ARMH1: variants seen among roughly 807,000 people sequenced by gnomAD.
ARMH1 encodes armadillo-like helical domain containing protein 1.
Under a neutral mutation model 50.2 loss-of-function variants are expected in ARMH1, and 34 were observed. That is an observed-to-expected ratio of 0.68 (90% CI 0.51 to 0.90). The LOEUF (loss-of-function observed/expected upper bound fraction) is 0.90. Among genes scored for constraint, ARMH1 ranks in the 40% least tolerant of loss-of-function variants. The pLI, the probability that ARMH1 is intolerant of heterozygous loss-of-function variation, is 0.00. For missense variants in ARMH1, 538 were observed against 553.9 expected (o/e 0.97, Z 0.29); for synonymous variants, 221 against 224.2 (o/e 0.99, Z 0.13).
chr1:44,681,992 CT>C lies in ARMH1; in HGVS notation c.-23+7124del, dbSNP rs1645328757. ...GCTCTCCACTGTTCATTAAAATCAC[CT>C]TTTTGCTTGTCTCTCTGCCCTGCCA... On this transcript the variant is annotated intron_variant, in intron 1 of 11. Transcript: ENST00000535358. The surrounding 1 kb of genome is among the most constrained non-coding windows in gnomAD (Gnocchi z 4.3). Among the ~76,000 whole-genome samples, 1 of 152,150 alleles carries C rather than the reference CT, an allele frequency of 6.6e-6. No individual in the cohort carries two copies. The highest frequency in any genetic ancestry group is 2.1e-4 in the South Asian group (1 of 4,822).
chr1:44,700,326 G>C (rs1646012618), intron 4 of ARMH1, among the ~76,000 whole-genome samples: 1 of 152,164 alleles, frequency 6.6e-6, no homozygotes, highest in Non-Finnish European at 1.5e-5. Context: ...TGCTATACAA[G>C]TGTTATCATG....
rs1425772428 is a variant in ARMH1, at chr1:44,724,512, T to A, written c.921-27T>A. ...TGTGCGCCGGGTGAGCCCCAGGGCG[T>A]CGCCCCAGCCCGAACCCCCGGCCCA... On this transcript the variant is annotated intron_variant, in intron 8 of 11. Coordinates refer to ENST00000535358, the MANE Select transcript of ARMH1 (RefSeq NM_001145636.2). This position sits in a 1 kb window ranked among gnomAD's most constrained non-coding sequence, Gnocchi z 6.4. 4 of 1,505,958 alleles carry A rather than the reference T, an allele frequency of 2.7e-6. No homozygotes were observed. Among genetic ancestry groups the A allele is most frequent in the Non-Finnish European group, 8.8e-7 (1 of 1,131,242 alleles). 93.3% of individuals were successfully genotyped at this position (1,505,958 alleles called of 1,614,324 possible).
intron 6 of ARMH1, among the ~76,000 whole-genome samples, chr1:44,710,691 G>T (rs1646576786): frequency 1.3e-5 from 2 of 151,206 alleles, no homozygotes; most frequent in Admixed American, 6.6e-5. Flanking sequence ...TTTTTTAACT[G>T]AGATGACATT....
chr1:44,701,575 G>A (rs1239067030), intron 5 of ARMH1, among the ~76,000 whole-genome samples: 5 of 151,888 alleles, frequency 3.3e-5, no homozygotes. Flanking sequence ...GGGGCACGGT[G>A]AGCATACGAA....
At chr1:44,714,942 G>A (rs1000664550) in intron 6 of ARMH1, among the ~76,000 whole-genome samples, 28 of 152,006 alleles carry the variant, frequency 1.8e-4, no homozygotes, top group African/African-American at 6.5e-4. Context: ...GGAGTTGAGT[G>A]GCTTGACAGC....
At chr1:44,692,773 C>T (rs1390265805) in intron 2 of ARMH1, among the ~76,000 whole-genome samples, 1 of 152,020 alleles carries the variant, frequency 6.6e-6, no homozygotes, top group African/African-American at 2.4e-5. Context: ...TCCTCTGTTC[C>T]CCAGGCTGGA....
intron 6 of ARMH1, among the ~76,000 whole-genome samples, chr1:44,720,709 G>A (rs1647067603): frequency 6.6e-6 from 1 of 152,144 alleles, no homozygotes. Flanking sequence ...TCTCAGCTGA[G>A]CCTAGAAGAA....
Position 44,698,246 on chromosome 1 carries a change from A to G in ARMH1, c.442+17A>G. 6.5e-7 allele frequency: 1 copy of G among 1,544,162 alleles called. No individual in the cohort carries two copies. The highest frequency in any genetic ancestry group is 8.8e-7 in the Non-Finnish European group (1 of 1,141,550). On this transcript the variant is annotated intron_variant, in intron 4 of 11. Transcript: ENST00000535358. ...AAAGCTATGGTGGGTACTGTGTGTG[A>G]CAAGATGTGTCTCCCTAGGGGCCTG...
At chr1:44,721,210 T>C (rs756754874) in intron 6 of ARMH1, among the ~76,000 whole-genome samples, 1 of 151,950 alleles carries the variant, frequency 6.6e-6, no homozygotes, top group African/African-American at 2.4e-5. Flanking sequence ...CTTGTATGGA[T>C]TATATAACTA....
At chr1:44,715,240 G>A (rs1346050869) in intron 6 of ARMH1, among the ~76,000 whole-genome samples, 3 of 152,212 alleles carry the variant, frequency 2.0e-5, no homozygotes, top group African/African-American at 7.2e-5. Flanking sequence ...TAAATGATCA[G>A]TGCTGTTAGC....
rs1048483905 is a variant in ARMH1 at position 44,725,400 on chromosome 1, G to A, written c.1320G>A (p.Glu440=). The A allele has an allele frequency of 4.5e-6, 7 of 1,551,824 alleles. No individual in the cohort carries two copies. Among genetic ancestry groups the A allele is most frequent in the Non-Finnish European group, 6.1e-6 (7 of 1,147,008 alleles). ...THFEEDVESK[E] ...TCGAGGAGGATGTAGAATCAAAGGA[G>A]TAACAGCCCCTGTGGCAAACCAGGA... Residue 440 remains glutamate, a synonymous_variant, in exon 12 of 12, where the codon GAG becomes GAA. Coordinates refer to ENST00000535358, the MANE Select transcript of ARMH1 (RefSeq NM_001145636.2).
intron 6 of ARMH1, among the ~76,000 whole-genome samples, chr1:44,719,754 C>G (rs1647007353): frequency 1.3e-5 from 2 of 152,188 alleles, no homozygotes; most frequent in African/African-American, 4.8e-5. Flanking sequence ...ACCATCTCAC[C>G]AGGTGCCCTG....
intron 4 of ARMH1, among the ~76,000 whole-genome samples, 196 bp from the exon 5 acceptor site, chr1:44,700,727 C>T (rs1646046517): frequency 6.6e-6 from 1 of 151,872 alleles, no homozygotes; most frequent in Non-Finnish European, 1.5e-5. Flanking sequence ...CATGCCTATG[C>T]TGAAATAAAA....
At chr1:44,697,939 C>T (rs1557531658) in intron 3 of ARMH1, 124 bp from the exon 4 acceptor site, 1 of 635,248 alleles carries the variant, frequency 1.6e-6, no homozygotes, top group Non-Finnish European at 2.6e-6. Context: ...ATCACTTTAC[C>T]TATGGACATT....
At chr1:44,684,320 A>C (rs1645400750) in intron 1 of ARMH1, 2 of 152,216 alleles carry the variant, frequency 1.3e-5, no homozygotes, top group Admixed American at 1.3e-4. Flanking sequence ...TGAGATAAAT[A>C]ATACATGACT....
rs781440776 is a variant in ARMH1, at chr1:44,724,141, C to T, written c.744C>T (p.Asp248=). Residue 248 remains aspartate, a synonymous_variant, in exon 7 of 12, where the codon GAC becomes GAT. Transcript: ENST00000535358. This position sits in a 1 kb window ranked among gnomAD's most constrained non-coding sequence, Gnocchi z 6.4. ...CCGCAGCCATCGAGTTGATCAAAGA[C>T]CTGGTCGGTTACGATGTGCGCCAGG... ...VQYEAIELIK[D]LVGYDVRQAL... The T allele has an allele frequency of 1.9e-6, 3 of 1,551,730 alleles. No individual in the cohort carries two copies. Among genetic ancestry groups the T allele is most frequent in the Non-Finnish European group, 8.7e-7 (1 of 1,146,966 alleles).
At chr1:44,722,781 C>G (rs1257041203) in intron 6 of ARMH1, among the ~76,000 whole-genome samples, 1 of 150,778 alleles carries the variant, frequency 6.6e-6, no homozygotes, top group South Asian at 2.1e-4. Context: ...CTGGGCCCAC[C>G]GGGCCCAGTG....
At position 44,702,597 on chromosome 1, in the gene ARMH1, A is replaced by T. The variant is rs1367443622; in HGVS notation, c.639+1478A>T. On this transcript the variant is annotated intron_variant, in intron 5 of 11. Coordinates refer to ENST00000535358, the MANE Select transcript of ARMH1 (RefSeq NM_001145636.2). ...CGTGGTGGTGTGTGCCTGTAATCCC[A>T]GCTACTCGGGAGGCTGAGGCAGGAG... Among the ~76,000 whole-genome samples, 11 of 151,634 alleles carry T rather than the reference A, an allele frequency of 7.3e-5. 1 individual carries two copies. Among genetic ancestry groups the T allele is most frequent in the Non-Finnish European group, 7.4e-5 (5 of 67,948 alleles).
chr1:44,703,498 G>A (rs896964313), intron 5 of ARMH1, among the ~76,000 whole-genome samples: 2 of 150,372 alleles, frequency 1.3e-5, no homozygotes, highest in African/African-American at 2.4e-5. Context: ...TGAAACGGGT[G>A]GATCACTTGA....
Sources: gnomAD v4.1 joint callset for allele counts (sites outside exome capture counted in the v4.1 genomes callset) on GRCh38, gnomAD v4.1.1 for gene constraint, Gnocchi (gnomAD v3.1) non-coding constraint, MANE v1.5 for transcripts, NCBI Gene and HGNC (gene_info 2026-07-23, HGNC 2026-07-21) for gene names.